Variants in TNIK observed in about 807,000 individuals in gnomAD.
The protein encoded by TNIK is TRAF2 and NCK interacting kinase, also known as TRAF2 and NCK-interacting protein kinase.
In TNIK, 49 loss-of-function variants were observed where a neutral mutation model predicts 191.3. The observed-to-expected ratio is 0.26, with a 90% CI of 0.20 to 0.32. TNIK has a LOEUF of 0.32. Among genes scored for constraint, TNIK ranks in the 10% least tolerant of loss-of-function variants. The probability of loss-of-function intolerance (pLI) is 1.00; values close to 1 mark genes in which losing one functional copy is unlikely to be tolerated. For synonymous variants in TNIK, 594 were observed against 600.9 expected (o/e 0.99, Z 0.17); for missense variants, 1,155 against 1,702.3 (o/e 0.68, Z 5.66).
chr3:171,122,442 T>C (rs562770983), intron 18 of TNIK, among the ~76,000 whole-genome samples: 7 of 152,152 alleles, frequency 4.6e-5, no homozygotes, highest in African/African-American at 1.4e-4. Flanking sequence ...TCAGTGTGAA[T>C]CAGACAAGTC....
At chr3:171,147,703 A>C (rs1486690998) in intron 12 of TNIK, among the ~76,000 whole-genome samples, 1 of 152,188 alleles carries the variant, frequency 6.6e-6, no homozygotes, top group Non-Finnish European at 1.5e-5. Context: ...TAACTCATTT[A>C]ATTCTCACCA....
intron 2 of TNIK, among the ~76,000 whole-genome samples, chr3:171,327,362 C>G (rs142342191): frequency 1.3e-5 from 2 of 152,300 alleles, no homozygotes; most frequent in East Asian, 3.9e-4. Context: ...ATTTCTCTTG[C>G]CTCCTGAGCA....
intron 1 of TNIK, among the ~76,000 whole-genome samples, chr3:171,385,082 A>G (rs938009704): frequency 2.6e-5 from 4 of 152,228 alleles, no homozygotes; most frequent in Non-Finnish European, 2.9e-5. Context: ...AAGGTGGCCA[A>G]ACATGAAGGG....
At chr3:171,433,220 A>G (rs1725585740) in intron 1 of TNIK, among the ~76,000 whole-genome samples, 1 of 152,156 alleles carries the variant, frequency 6.6e-6, no homozygotes, top group African/African-American at 2.4e-5. Context: ...AAAGTAGAAT[A>G]AATAAAATGA....
intron 2 of TNIK, among the ~76,000 whole-genome samples, chr3:171,243,696 T>G (rs1428880945): frequency 6.6e-6 from 1 of 152,232 alleles, no homozygotes; most frequent in Non-Finnish European, 1.5e-5. Context: ...TAGCTTCATT[T>G]TTAATGGATT....
At chr3:171,270,412 C>T (rs1289088757) in intron 2 of TNIK, among the ~76,000 whole-genome samples, 1 of 152,130 alleles carries the variant, frequency 6.6e-6, no homozygotes, top group African/African-American at 2.4e-5. Flanking sequence ...ATGTGGAGCA[C>T]CACTATAGAG....
At chr3:171,328,364 G>C (rs1444310529) in intron 2 of TNIK, among the ~76,000 whole-genome samples, 1 of 152,158 alleles carries the variant, frequency 6.6e-6, no homozygotes, top group Non-Finnish European at 1.5e-5. Context: ...TGATATTTTT[G>C]TTGCAGCAGC....
intron 2 of TNIK, among the ~76,000 whole-genome samples, chr3:171,275,132 C>T (rs1577323142): frequency 6.6e-6 from 1 of 152,164 alleles, no homozygotes; most frequent in South Asian, 2.1e-4. Context: ...CACACACACA[C>T]ATACAAAAAG....
intron 2 of TNIK, among the ~76,000 whole-genome samples, chr3:171,283,161 A>T (rs1356293231): frequency 1.7e-4 from 12 of 70,080 alleles, no homozygotes; most frequent in Non-Finnish European, 3.6e-4. Flanking sequence ...TACCTACTTT[A>T]AAAAAAAAAA....
intron 1 of TNIK, among the ~76,000 whole-genome samples, chr3:171,450,283 A>T (rs1469190802): frequency 3.9e-5 from 6 of 152,212 alleles, no homozygotes; most frequent in Non-Finnish European, 8.8e-5. Context: ...GTTCTCCTCT[A>T]CCATCTAATT....
intron 3 of TNIK, among the ~76,000 whole-genome samples, chr3:171,214,484 C>A (rs1741227241): frequency 6.6e-6 from 1 of 152,188 alleles, no homozygotes; most frequent in Non-Finnish European, 1.5e-5. Flanking sequence ...GACAATTTAT[C>A]ATAAAGGATC....
chr3:171,299,007 G>A (rs940816551), intron 2 of TNIK, among the ~76,000 whole-genome samples: 23 of 152,144 alleles, frequency 1.5e-4, no homozygotes, highest in African/African-American at 4.8e-4. Context: ...CAGTCTGACC[G>A]AAGTCTTGGT....
intron 2 of TNIK, among the ~76,000 whole-genome samples, chr3:171,303,070 C>T (rs1011563428): frequency 5.9e-5 from 9 of 152,166 alleles, no homozygotes; most frequent in African/African-American, 2.2e-4. Flanking sequence ...GAAGCTAACA[C>T]CAACTTACCC....
At chr3:171,166,225 C>G (rs553311219) in intron 10 of TNIK, among the ~76,000 whole-genome samples, 17 of 152,248 alleles carry the variant, frequency 1.1e-4, no homozygotes, top group African/African-American at 3.6e-4. Flanking sequence ...CAAAATTTGC[C>G]TAATGAAAAT....
At chr3:171,386,368 T>G (rs1201248678) in intron 1 of TNIK, among the ~76,000 whole-genome samples, 1 of 152,212 alleles carries the variant, frequency 6.6e-6, no homozygotes, top group Non-Finnish European at 1.5e-5. Flanking sequence ...AACTTTGGTG[T>G]TCGTGGTGTT....
At chr3:171,430,496 C>T (rs756372420) in intron 1 of TNIK, among the ~76,000 whole-genome samples, 4 of 150,928 alleles carry the variant, frequency 2.7e-5, no homozygotes, top group Non-Finnish European at 5.9e-5. Flanking sequence ...ACAATTAGCC[C>T]GGAGTGGTGG....
intron 22 of TNIK, 51 bp downstream of exon 22, chr3:171,101,398 T>TAAA: frequency 6.5e-7 from 1 of 1,530,664 alleles, no homozygotes; most frequent in South Asian, 1.3e-5. Flanking sequence ...GTCCTTTTAT[T>TAAA]TTGGAAACCT....
intron 2 of TNIK, among the ~76,000 whole-genome samples, chr3:171,276,881 A>T (rs773046668): frequency 6.6e-6 from 1 of 152,244 alleles, no homozygotes; most frequent in African/African-American, 2.4e-5. Context: ...AGAAATTGGC[A>T]TGTGAGGATA....
chr3:171,181,604 A>T (rs967263977), intron 7 of TNIK, among the ~76,000 whole-genome samples: 8 of 152,200 alleles, frequency 5.3e-5, no homozygotes, highest in African/African-American at 7.2e-5. Flanking sequence ...CTTTTCCTGA[A>T]ATAAGGGACA....
Sources: gnomAD v4.1 joint callset for allele counts (sites outside exome capture counted in the v4.1 genomes callset) on GRCh38, gnomAD v4.1.1 for gene constraint, MANE v1.5 for transcripts, NCBI Gene and HGNC (gene_info 2026-07-23, HGNC 2026-07-21) for gene names.